ZNF385D: variants seen among roughly 807,000 people sequenced by gnomAD.
The protein encoded by ZNF385D is zinc finger protein 385D, also known as zinc finger protein 659.
A neutral mutation model predicts 35.8 loss-of-function variants in ZNF385D; 15 were observed. That is an observed-to-expected ratio of 0.42 (90% confidence interval 0.28 to 0.64). The LOEUF is 0.64. Among genes scored for constraint, ZNF385D ranks in the 30% least tolerant of loss-of-function variants. The pLI, the probability that ZNF385D is intolerant of heterozygous loss-of-function variation, is 0.23. For missense variants in ZNF385D, 474 were observed against 494.6 expected (o/e 0.96, Z 0.39); for synonymous variants, 212 against 186.8 (o/e 1.13, Z -1.10).
At chr3:21,882,734 T>C (rs1192620838) in intron 3 of ZNF385D, among the ~76,000 whole-genome samples, 3 of 152,048 alleles carry the variant, frequency 2.0e-5, no homozygotes, top group South Asian at 2.1e-4. Context: ...AAACAGCTAG[T>C]AATAATTTAG....
chr3:21,791,754 G>A (rs937451092), intron 3 of ZNF385D, among the ~76,000 whole-genome samples: 10 of 152,070 alleles, frequency 6.6e-5, no homozygotes, highest in Admixed American at 1.3e-4. Flanking sequence ...GGTTGTTGTT[G>A]AGATGGCATC....
chr3:22,117,754 C>T (rs972347044), intron 3 of ZNF385D, among the ~76,000 whole-genome samples: 1 of 151,736 alleles, frequency 6.6e-6, no homozygotes. Flanking sequence ...GAAAGGATGT[C>T]CATTATTCCC....
At chr3:22,254,962 T>G (rs574060780) in intron 2 of ZNF385D, among the ~76,000 whole-genome samples, 1 of 152,008 alleles carries the variant, frequency 6.6e-6, no homozygotes, top group African/African-American at 2.4e-5. Flanking sequence ...TAAGGGATAA[T>G]TCATGTCCCA....
intron 3 of ZNF385D, among the ~76,000 whole-genome samples, chr3:21,541,163 A>C (rs950453895): frequency 7.2e-5 from 11 of 152,204 alleles, no homozygotes; most frequent in African/African-American, 2.7e-4. Context: ...AACGTAATCC[A>C]AATGCAGTGT....
rs1704064702 is a variant in ZNF385D, at chr3:22,135,808, A to G, written c.325+33009T>C. 2.0e-5 allele frequency among the ~76,000 whole-genome samples: 3 copies of G among 152,216 alleles called. No homozygotes were observed. The South Asian group carries it at 6.2e-4, about 32-fold the overall frequency. ...CACAGACCAATATAACAGAAGAGAG[A>G]GTCCAGAAATTGACCCACACAAGTA... is the stretch of plus-strand genomic sequence containing the variant. On this transcript the variant is annotated intron_variant, in intron 3 of 5. Transcript: ENST00000494108.
rs567424613 is a variant in ZNF385D at position 21,564,411 on chromosome 3, A to G, written c.276+163T>C. ...TGTAGTAAACAACCAAACATAACAT[A>G]ATAAACTCCAAAATTAAAGCACATA... On this transcript the variant is annotated intron_variant, in intron 3 of 7. Transcript: ENST00000281523. Among the ~76,000 whole-genome samples the G allele has an allele frequency of 9.2e-5, 14 of 152,362 alleles. No homozygotes were observed. The South Asian group carries it at 2.9e-3, about 32-fold the overall frequency.
intron 3 of ZNF385D, among the ~76,000 whole-genome samples, chr3:22,085,406 C>A (rs1220785113): frequency 6.6e-6 from 1 of 152,114 alleles, no homozygotes; most frequent in East Asian, 1.9e-4. Context: ...CACCACCGAT[C>A]CCACGGAAAT....
chr3:22,320,702 TA>T (rs1694369899), intron 2 of ZNF385D, among the ~76,000 whole-genome samples: 1 of 151,368 alleles, frequency 6.6e-6, no homozygotes, highest in African/African-American at 2.4e-5. Flanking sequence ...ACTTGATTTT[TA>T]ACATGTCTAC....
At chr3:21,569,173 C>G (rs6774249) in intron 2 of ZNF385D, among the ~76,000 whole-genome samples, 27,337 of 149,228 alleles carry the variant, frequency 0.18, 1,868 homozygotes, top group Middle Eastern at 0.26. Flanking sequence ...GTTAAAGTCT[C>G]CCATTATTAT....
At chr3:21,824,718 T>C (rs1694490215) in intron 3 of ZNF385D, among the ~76,000 whole-genome samples, 2 of 152,182 alleles carry the variant, frequency 1.3e-5, no homozygotes, top group Non-Finnish European at 1.5e-5. Context: ...ATCCCCATCA[T>C]ACTGGAGTTC....
Position 22,369,442 on chromosome 3 carries a change from T to C in ZNF385D, c.106+3008A>G, listed in dbSNP as rs564447930. On this transcript the variant is annotated intron_variant, in intron 2 of 5. Transcript: ENST00000494108. ...TAATACTCTTCTAAGGTTAAATATG[T>C]TAGCTACTATAAAAACCTCCTTAAC... Among the ~76,000 whole-genome samples, 4 of 152,304 alleles carry C rather than the reference T, an allele frequency of 2.6e-5. No homozygotes were observed. The East Asian group carries it at 7.7e-4, about 29-fold the overall frequency.
chr3:22,038,463 T>C (rs372324004), intron 3 of ZNF385D, among the ~76,000 whole-genome samples: 2 of 152,114 alleles, frequency 1.3e-5, no homozygotes, highest in African/African-American at 2.4e-5. Flanking sequence ...AAATGATATA[T>C]GCAATAGTTA....
In ZNF385D at chr3:22,231,167, G is replaced by T. The variant is rs559563634; in HGVS notation, c.107-62132C>A. ...AAATAAAGAAAGAAATAGCCAAAAA[G>T]TGCAATTGTTAACAGTTGCTTTAAG... On this transcript the variant is annotated intron_variant, in intron 2 of 5. Coordinates refer to the ZNF385D transcript ENST00000494108. Among the ~76,000 whole-genome samples the T allele has an allele frequency of 5.3e-5, 8 of 152,210 alleles. No individual in the cohort carries two copies. The South Asian group carries it at 1.7e-3, about 32-fold the overall frequency.
intron 1 of ZNF385D, among the ~76,000 whole-genome samples, chr3:21,733,158 T>A (rs1164488628): frequency 6.6e-6 from 1 of 152,228 alleles, no homozygotes; most frequent in South Asian, 2.1e-4. Flanking sequence ...TTTTCCATTA[T>A]ATTTTCTTTG....
chr3:22,073,096 G>A (rs1340577340), intron 3 of ZNF385D, among the ~76,000 whole-genome samples: 1 of 151,940 alleles, frequency 6.6e-6, no homozygotes, highest in Admixed American at 6.6e-5. Context: ...CAATCCATAA[G>A]GGCAGAGACA....
At chr3:22,162,936 G>A (rs1318747814) in intron 3 of ZNF385D, among the ~76,000 whole-genome samples, 2 of 152,116 alleles carry the variant, frequency 1.3e-5, no homozygotes, top group East Asian at 1.9e-4. Context: ...GTAGTGGGCT[G>A]GAGATCTATA....
At chr3:21,703,816 G>A (rs1321214247) in intron 1 of ZNF385D, among the ~76,000 whole-genome samples, 1 of 152,032 alleles carries the variant, frequency 6.6e-6, no homozygotes, top group Non-Finnish European at 1.5e-5. Flanking sequence ...ATTAAACTGA[G>A]CCCAGGCACT....
chr3:21,778,414 C>A (rs2071372526), intron 3 of ZNF385D, among the ~76,000 whole-genome samples: 1 of 151,898 alleles, frequency 6.6e-6, no homozygotes, highest in Admixed American at 6.6e-5. Flanking sequence ...GGTGGCACGG[C>A]TGAGTTCAGA....
Position 21,437,021 on chromosome 3 carries a change from G to A in ZNF385D, c.622C>T (p.Leu208=). The change falls in exon 5 of 8, where the codon CTA becomes TTA. Residue 208 remains leucine, a synonymous_variant. Transcript: ENST00000281523. ...EKAKRLLYCS[L]CKVAVNSASQ... is the part of the protein sequence containing the mutation. Reference sequence around the variant, plus strand: ...GCAGAGTTGACAGCAACCTTGCATAGCGAACAGTAAAGAAGCCGTTTTGCC... The same window carrying A: ...GCAGAGTTGACAGCAACCTTGCATAACGAACAGTAAAGAAGCCGTTTTGCC... The A allele has an allele frequency of 6.2e-7, 1 of 1,613,976 alleles. No homozygotes were observed. Among genetic ancestry groups the A allele is most frequent in the Non-Finnish European group, 8.5e-7 (1 of 1,179,884 alleles).
Sources: allele counts gnomAD v4.1 joint callset (sites outside exome capture counted in the v4.1 genomes callset), GRCh38; gene constraint gnomAD v4.1.1; transcripts MANE v1.5; gene names NCBI Gene and HGNC (gene_info 2026-07-23, HGNC 2026-07-21).